IGF2BP3: variants seen among roughly 807,000 people sequenced by gnomAD.
IGF2BP3 encodes insulin like growth factor 2 mRNA binding protein 3, also known as insulin-like growth factor 2 mRNA-binding protein 3.
Under a neutral mutation model 73.8 loss-of-function variants are expected in IGF2BP3, and 9 were observed. The ratio of observed to expected loss-of-function variants is 0.12; its 90% confidence interval spans 0.07 to 0.21. The LOEUF is 0.21. Ranked by LOEUF, IGF2BP3 falls within the 10% of genes least tolerant of loss-of-function variation. The pLI, the probability that IGF2BP3 is intolerant of heterozygous loss-of-function variation, is 1.00. For missense variants in IGF2BP3, 542 were observed against 714.0 expected, an observed-to-expected ratio of 0.76 and a Z score of 2.75; for synonymous variants, 258 against 256.7, an observed-to-expected ratio of 1.01 and a Z score of -0.05.
chr7:23,341,478 C>A (rs895125562), intron 10 of IGF2BP3, among the ~76,000 whole-genome samples: 1 of 152,174 alleles, frequency 6.6e-6, no homozygotes, highest in Non-Finnish European at 1.5e-5. Context: ...TCAGCCTGAA[C>A]AACATGGCGA....
intron 9 of IGF2BP3, 24 bp downstream of exon 9, chr7:23,343,694 C>G (rs766180882): frequency 3.8e-6 from 6 of 1,592,008 alleles, no homozygotes; most frequent in Non-Finnish European, 4.3e-6. Context: ...AAAATAAAGA[C>G]ATGCCCTTCA....
intron 6 of IGF2BP3, among the ~76,000 whole-genome samples, chr7:23,350,924 A>T (rs1049535331): frequency 6.6e-6 from 1 of 152,244 alleles, no homozygotes; most frequent in African/African-American, 2.4e-5. Context: ...CTCTGTATTG[A>T]GGCCACAAAT....
At chr7:23,403,096 C>T (rs976502918) in intron 3 of IGF2BP3, among the ~76,000 whole-genome samples, 4 of 152,210 alleles carry the variant, frequency 2.6e-5, no homozygotes, top group African/African-American at 9.7e-5. Context: ...ATTTATCTGA[C>T]CCTATAACCT....
At chr7:23,390,800 C>CTTTT (rs1162886168) in intron 3 of IGF2BP3, among the ~76,000 whole-genome samples, 10 of 135,438 alleles carry the variant, frequency 7.4e-5, no homozygotes, top group African/African-American at 1.6e-4. Context: ...TTATTGTTGC[C>CTTTT]TTTTTTTTTT....
In IGF2BP3 at chr7:23,430,012, C is replaced by T. The variant is rs1584035300; in HGVS notation, c.237-11188G>A. On this transcript the variant is annotated intron_variant, in intron 2 of 14. Coordinates refer to ENST00000258729, the MANE Select transcript of IGF2BP3 (RefSeq NM_006547.3). ...CCCTGCTTTATAAGACAGATACTGA[C>T]ATAATGCTGCTAACACCAGCTGATG... is the stretch of plus-strand genomic sequence containing the variant. Among the ~76,000 whole-genome samples, 3 of 151,972 alleles carry T rather than the reference C, an allele frequency of 2.0e-5. No individual in the cohort carries two copies. In the East Asian group the frequency reaches 5.8e-4, roughly 29 times the overall value.
At position 23,469,908 on chromosome 7, in the gene IGF2BP3, GC is replaced by G. The variant is rs1225193547; in HGVS notation, c.175+27del. On this transcript the variant is annotated intron_variant, in intron 1 of 14. Coordinates refer to ENST00000258729, the MANE Select transcript of IGF2BP3 (RefSeq NM_006547.3). This position sits in a 1 kb window ranked among gnomAD's most constrained non-coding sequence, Gnocchi z 6.1. ...CGGGCGGTGCAGGGCTGGGGCGAGAGCCCGGGTGGGGCCAGGCCCGGGCCCA... is the reference window on the plus strand; with the variant it reads ...CGGGCGGTGCAGGGCTGGGGCGAGAGCCGGGTGGGGCCAGGCCCGGGCCCA... 6.6e-5 allele frequency: 104 copies of G among 1,572,360 alleles called. No homozygotes were observed. The highest frequency in any genetic ancestry group is 9.0e-5 in the Non-Finnish European group (104 of 1,161,646).
At chr7:23,369,299 C>G (rs1279726099) in intron 3 of IGF2BP3, among the ~76,000 whole-genome samples, 13 of 152,166 alleles carry the variant, frequency 8.5e-5, no homozygotes, top group Admixed American at 8.5e-4. Flanking sequence ...ATGATCCAAT[C>G]AGATTGAGCC....
At position 23,470,140 on chromosome 7, in the gene IGF2BP3, A is replaced by G; in HGVS notation, c.-30T>C. 1.9e-6 allele frequency: 3 copies of G among 1,555,250 alleles called. No individual in the cohort carries two copies. Among genetic ancestry groups the G allele is most frequent in the Non-Finnish European group, 2.6e-6 (3 of 1,150,036 alleles). On this transcript the variant is annotated 5_prime_UTR_variant, in exon 1 of 15. Transcript: ENST00000258729. The stretch of plus-strand genomic sequence containing the variant: ...AAGAGTGGTTGTTTAAAAAAAAATA[A>G]CGAGAAAAAACGAAAAATTAAAACC...
rs1583864510 is a variant in IGF2BP3 at position 23,310,404 on chromosome 7, A to G, written c.*1958T>C. 1 of 152,244 alleles carries G rather than the reference A, an allele frequency of 6.6e-6. No individual in the cohort carries two copies. The highest frequency in any genetic ancestry group is 1.9e-4 in the East Asian group (1 of 5,204). 9.4% of individuals were successfully genotyped at this position (152,244 alleles called of 1,614,324 possible). A position where few individuals can be genotyped will look rare whatever the true frequency, so the allele number is the denominator to read the frequency against. ...AAAGTAAAATATGATTTGCCATACT[A>G]AAAGGCTAGAAGTGAAATATGACAG... On this transcript the variant is annotated 3_prime_UTR_variant, in exon 15 of 15. Transcript: ENST00000258729.
intron 3 of IGF2BP3, among the ~76,000 whole-genome samples, chr7:23,387,413 G>A (rs1046925308): frequency 6.6e-6 from 1 of 152,202 alleles, no homozygotes; most frequent in Non-Finnish European, 1.5e-5. Context: ...CAGGATCATG[G>A]AACAGATAAA....
intron 2 of IGF2BP3, among the ~76,000 whole-genome samples, chr7:23,425,760 A>C (rs7789949): frequency 0.061 from 9,341 of 152,104 alleles, 718 homozygotes; most frequent in African/African-American, 0.18. Flanking sequence ...TATCACCCCT[A>C]ATTTTTTATT....
At position 23,469,786 on chromosome 7, in the gene IGF2BP3, C is replaced by A; in HGVS notation, c.175+150G>T. ...GTGGGAGCCGGAGCTGAGGAGAGCC[C>A]CGGCCCCCACGCGCGTGGGTGTGGG... On this transcript the variant is annotated intron_variant, in intron 1 of 14. Transcript: ENST00000258729. The surrounding 1 kb of genome is among the most constrained non-coding windows in gnomAD (Gnocchi z 6.1). 2.7e-6 allele frequency: 1 copy of A among 373,262 alleles called. No individual in the cohort carries two copies. The allele number at this position is 373,262 out of a possible 1,614,324, so 23.1% of individuals were successfully genotyped here.
Position 23,361,755 on chromosome 7 carries a change from G to C in IGF2BP3, c.286-14C>G, listed in dbSNP as rs753409284. On this transcript the variant is annotated splice_polypyrimidine_tract_variant and intron_variant, in intron 3 of 14. Transcript: ENST00000258729. ...ACTATCCAGCACCTATCAGGAGGGGGAGAGAAAATTATAAATTTTGAGTTT... is the reference window on the plus strand; with the variant it reads ...ACTATCCAGCACCTATCAGGAGGGGCAGAGAAAATTATAAATTTTGAGTTT... The C allele has an allele frequency of 1.9e-6, 3 of 1,594,038 alleles. No homozygotes were observed. The African/African-American group carries it at 4.1e-5, about 22-fold the overall frequency.
intron 3 of IGF2BP3, among the ~76,000 whole-genome samples, chr7:23,388,525 TG>T (rs1397883591): frequency 6.6e-6 from 1 of 151,570 alleles, no homozygotes; most frequent in Non-Finnish European, 1.5e-5. Flanking sequence ...AAGGCTTCTA[TG>T]GGAAAATAAA....
chr7:23,459,678 A>G (rs1171191741), intron 2 of IGF2BP3, among the ~76,000 whole-genome samples: 1 of 151,990 alleles, frequency 6.6e-6, no homozygotes, highest in Non-Finnish European at 1.5e-5. Context: ...TAAAAATACA[A>G]AAATTAGCTG....
At chr7:23,444,396 A>G (rs567916153) in intron 2 of IGF2BP3, among the ~76,000 whole-genome samples, 39 of 152,282 alleles carry the variant, frequency 2.6e-4, no homozygotes, top group Admixed American at 9.2e-4. Context: ...AGTATTTAAC[A>G]TATCACTTTA....
intron 1 of IGF2BP3, among the ~76,000 whole-genome samples, chr7:23,468,761 C>T (rs1264117038): frequency 6.6e-6 from 1 of 152,218 alleles, no homozygotes; most frequent in East Asian, 1.9e-4. Flanking sequence ...CTGGCGGGCC[C>T]ACTACTTGGG....
rs373810242 is a variant in IGF2BP3, at chr7:23,385,255, T to C, written c.286-23514A>G. On this transcript the variant is annotated intron_variant, in intron 3 of 14. Coordinates refer to ENST00000258729, the MANE Select transcript of IGF2BP3 (RefSeq NM_006547.3). ...TGTACTTCCTGACAGAAGTCTGTAC[T>C]ACCATCTATGAAGTATTCTTGCTTA... Among the ~76,000 whole-genome samples, 26 of 152,290 alleles carry C rather than the reference T, an allele frequency of 1.7e-4. 1 individual carries two copies. Among genetic ancestry groups the C allele is most frequent in the Admixed American group, 9.8e-4 (15 of 15,308 alleles).
intron 3 of IGF2BP3, among the ~76,000 whole-genome samples, chr7:23,391,964 T>C (rs1183555473): frequency 6.6e-6 from 1 of 152,182 alleles, no homozygotes; most frequent in Non-Finnish European, 1.5e-5. Context: ...GAAACAAAAC[T>C]GAAAATCGAA....
Sources: allele counts gnomAD v4.1 joint callset (sites outside exome capture counted in the v4.1 genomes callset), GRCh38; gene constraint gnomAD v4.1.1; non-coding constraint Gnocchi (gnomAD v3.1); transcripts MANE v1.5; gene names NCBI Gene and HGNC (gene_info 2026-07-23, HGNC 2026-07-21).